The following PPP2R5D variants were observed in gnomAD, a reference collection of about 807,000 sequenced individuals.
PPP2R5D encodes the protein serine/threonine-protein phosphatase 2A 56 kDa regulatory subunit delta isoform.
Under a neutral mutation model 79.1 loss-of-function variants are expected in PPP2R5D, and 12 were observed. That is an observed-to-expected ratio of 0.15 (90% confidence interval 0.10 to 0.25). The LOEUF is 0.25. Among genes scored for constraint, PPP2R5D ranks in the 10% least tolerant of loss-of-function variants. PPP2R5D has a pLI of 1.00. For synonymous variants in PPP2R5D, 277 were observed against 286.6 expected (o/e 0.97, Z 0.34); for missense variants, 419 against 760.2 (o/e 0.55, Z 5.28).
chr6:43,003,881 C>G (rs1186846280), intron 2 of PPP2R5D, among the ~76,000 whole-genome samples: 1 of 151,858 alleles, frequency 6.6e-6, no homozygotes, highest in African/African-American at 2.4e-5. Flanking sequence ...ACTACAGGCA[C>G]CCACCACCAC....
rs41274900 is a variant in PPP2R5D at position 43,009,535 on chromosome 6, A to G, written c.1379+86A>G. On this transcript the variant is annotated intron_variant, in intron 12 of 15. Transcript: ENST00000485511. This position sits in a 1 kb window ranked among gnomAD's most constrained non-coding sequence, Gnocchi z 5.6. ...GAAGAACTAAAGAGCCAGGGGTCTC[A>G]CCTAGTCACCCAGCAAGTGGGGCTG... 6.4e-7 allele frequency: 1 copy of G among 1,561,730 alleles called. No homozygotes were observed. Among genetic ancestry groups the G allele is most frequent in the African/African-American group, 1.4e-5 (1 of 73,594 alleles).
chr6:43,004,008 G>A (rs1158586187), intron 2 of PPP2R5D, among the ~76,000 whole-genome samples: 2 of 151,370 alleles, frequency 1.3e-5, no homozygotes, highest in Non-Finnish European at 2.9e-5. Flanking sequence ...GTGAGCCACC[G>A]CGCCCGGCCT....
chr6:42,995,576 G>A (rs147983992), intron 2 of PPP2R5D, among the ~76,000 whole-genome samples: 3,899 of 148,334 alleles, frequency 0.026, 175 homozygotes, highest in African/African-American at 0.09. Flanking sequence ...TTTTTGAGAC[G>A]GAGTCTCGCT....
rs1762212384 is a variant in PPP2R5D at position 43,008,665 on chromosome 6, A to C, written c.1027-28A>C. 1 of 1,610,200 alleles carries C rather than the reference A, an allele frequency of 6.2e-7. No homozygotes were observed. Among genetic ancestry groups the C allele is most frequent in the African/African-American group, 1.3e-5 (1 of 74,550 alleles). On this transcript the variant is annotated intron_variant, in intron 9 of 15. Coordinates refer to ENST00000485511, the MANE Select transcript of PPP2R5D (RefSeq NM_006245.4). The surrounding 1 kb of genome is among the most constrained non-coding windows in gnomAD (Gnocchi z 4.2). ...TGAGAGCTTCTAGGACCTACACCTCACCTCCCTTCTACCTCACACCTTTGC... is the reference window on the plus strand; with the variant it reads ...TGAGAGCTTCTAGGACCTACACCTCCCCTCCCTTCTACCTCACACCTTTGC...
chr6:43,002,334 T>C (rs1400691040), intron 2 of PPP2R5D, among the ~76,000 whole-genome samples: 6 of 152,100 alleles, frequency 3.9e-5, no homozygotes, highest in Non-Finnish European at 7.4e-5. Context: ...CAGCTAATTT[T>C]TTGTATCTTT....
Position 43,010,922 on chromosome 6 carries a change from C to T in PPP2R5D, c.1596C>T (p.Tyr532=), listed in dbSNP as rs367698242. Residue 532 remains tyrosine (Y), a synonymous_variant, in exon 15 of 16, where the codon TAC becomes TAT. Transcript: ENST00000485511. The surrounding 1 kb of genome is among the most constrained non-coding windows in gnomAD (Gnocchi z 4.7). ...FRAPPPLPPV[Y]SMETETPTAE... is the part of the protein sequence containing the mutation. The stretch of plus-strand genomic sequence containing the variant: ...CCCCTCCACCACTGCCCCCTGTGTA[C>T]TCGATGGAGACAGAGACCCCCACAG... 4 of 1,614,016 alleles carry T rather than the reference C, an allele frequency of 2.5e-6. No homozygotes were observed. In the African/African-American group the frequency reaches 5.3e-5, roughly 22 times the overall value.
chr6:43,011,698 CAGG>C lies in PPP2R5D; in HGVS notation c.*415_*417del, dbSNP rs770361901. On this transcript the variant is annotated 3_prime_UTR_variant, in exon 16 of 16. Coordinates refer to ENST00000485511, the MANE Select transcript of PPP2R5D (RefSeq NM_006245.4). The stretch of plus-strand genomic sequence containing the variant: ...CCCTGCAGAGGCATGTAGGGAACAG[CAGG>C]AGATTATTCTCACCAAAGTTATGTC... 19 of 196,464 alleles carry C rather than the reference CAGG, an allele frequency of 9.7e-5. No individual in the cohort carries two copies. The highest frequency in any genetic ancestry group is 1.6e-4 in the Non-Finnish European group (15 of 94,886). 12.2% of individuals were successfully genotyped at this position (196,464 alleles called of 1,614,324 possible).
Position 43,010,718 on chromosome 6 carries a change from G to A in PPP2R5D, c.1536G>A (p.Leu512=). The A allele has an allele frequency of 6.2e-7, 1 of 1,613,998 alleles. No individual in the cohort carries two copies. The highest frequency in any genetic ancestry group is 8.5e-7 in the Non-Finnish European group (1 of 1,179,892). ...REEMWQKIEE[L]ARLNPQYPMF... The stretch of plus-strand genomic sequence containing the variant: ...AGATGTGGCAAAAAATCGAGGAGCT[G>A]GCCCGGCTTAATCCCCAGGTGAGGT... Residue 512 remains leucine, a synonymous_variant, in exon 14 of 16, where the codon CTG becomes CTA. Transcript: ENST00000485511. This position sits in a 1 kb window ranked among gnomAD's most constrained non-coding sequence, Gnocchi z 4.7.
chr6:43,001,604 G>C (rs1466937093), intron 2 of PPP2R5D, among the ~76,000 whole-genome samples: 2 of 152,078 alleles, frequency 1.3e-5, no homozygotes, highest in South Asian at 4.1e-4. Context: ...CTTCTTTAGG[G>C]CTGGGCACGG....
intron 2 of PPP2R5D, among the ~76,000 whole-genome samples, chr6:43,003,854 C>T (rs191698678): frequency 1.6e-3 from 244 of 152,064 alleles, no homozygotes; most frequent in African/African-American, 5.4e-3. Context: ...CCTGCCTCAG[C>T]CTCCCGAGTA....
chr6:43,005,875 G>C (rs937819742), intron 2 of PPP2R5D, among the ~76,000 whole-genome samples: 8 of 152,078 alleles, frequency 5.3e-5, no homozygotes, highest in African/African-American at 1.9e-4. Context: ...GCCCTCCTCG[G>C]CCTCCCAAAG....
At chr6:42,987,449 C>T (rs138826815) in intron 1 of PPP2R5D, among the ~76,000 whole-genome samples, 1,897 of 152,156 alleles carry the variant, frequency 0.012, 16 homozygotes, top group Non-Finnish European at 0.017. Flanking sequence ...ACCAGCACTA[C>T]GGTTTTCATG....
At chr6:42,995,920 G>A (rs1289008231) in intron 2 of PPP2R5D, among the ~76,000 whole-genome samples, 1 of 150,828 alleles carries the variant, frequency 6.6e-6, no homozygotes, top group African/African-American at 2.4e-5. Context: ...GAGTGCAGTG[G>A]CGCCATCTCG....
In PPP2R5D at chr6:43,008,598, T is replaced by G. The variant is rs1463032980; in HGVS notation, c.1027-95T>G. ...GGTGGGATAATTCCTTCCCTCCATCTCCCCTTCCCTTCTGGGATCTTGTTT... is the reference window on the plus strand; with the variant it reads ...GGTGGGATAATTCCTTCCCTCCATCGCCCCTTCCCTTCTGGGATCTTGTTT... On this transcript the variant is annotated intron_variant, in intron 9 of 15. Transcript: ENST00000485511. This position sits in a 1 kb window ranked among gnomAD's most constrained non-coding sequence, Gnocchi z 4.2. The G allele has an allele frequency of 3.3e-5, 50 of 1,496,692 alleles. No homozygotes were observed. Among genetic ancestry groups the G allele is most frequent in the Non-Finnish European group, 4.6e-5 (49 of 1,076,534 alleles). The allele number at this position is 1,496,692 out of a possible 1,614,324, so 92.7% of individuals were successfully genotyped here.
chr6:43,006,740 G>A lies in PPP2R5D; in HGVS notation c.322+61G>A. 6.3e-7 allele frequency: 1 copy of A among 1,589,300 alleles called. No homozygotes were observed. The highest frequency in any genetic ancestry group is 8.6e-7 in the Non-Finnish European group (1 of 1,165,132). Reference sequence around the variant, plus strand: ...GTTCTAGTGGGCATCGGGAGTTGGTGGAATGGAAGTTTTGGGGTATTTTGC... The same window carrying A: ...GTTCTAGTGGGCATCGGGAGTTGGTAGAATGGAAGTTTTGGGGTATTTTGC... On this transcript the variant is annotated intron_variant, in intron 3 of 15. Coordinates refer to ENST00000485511, the MANE Select transcript of PPP2R5D (RefSeq NM_006245.4). The surrounding 1 kb of genome is among the most constrained non-coding windows in gnomAD (Gnocchi z 4.7).
Position 43,011,861 on chromosome 6 carries a change from CA to C in PPP2R5D, c.*579del, listed in dbSNP as rs1404717497. The C allele has an allele frequency of 2.5e-5, 4 of 158,620 alleles. No individual in the cohort carries two copies. Among genetic ancestry groups the C allele is most frequent in the Non-Finnish European group, 5.6e-5 (4 of 71,726 alleles). 9.8% of individuals were successfully genotyped at this position (158,620 alleles called of 1,614,324 possible). ...TACCCCATGCCTGACCAAGGGAGGT[CA>C]AAAGGAGAAAAGTATAGGCTGTGGA... On this transcript the variant is annotated 3_prime_UTR_variant, in exon 16 of 16. Coordinates refer to ENST00000485511, the MANE Select transcript of PPP2R5D (RefSeq NM_006245.4).
intron 1 of PPP2R5D, among the ~76,000 whole-genome samples, chr6:42,987,818 G>A (rs991383144): frequency 6.6e-6 from 1 of 152,130 alleles, no homozygotes; most frequent in African/African-American, 2.4e-5. Flanking sequence ...GCTGTAGGGT[G>A]GGTGGAGGGG....
In PPP2R5D at chr6:42,984,640, G is replaced by C. The variant is rs747492621; in HGVS notation, c.-38G>C. 2.5e-6 allele frequency: 4 copies of C among 1,581,256 alleles called. No homozygotes were observed. Among genetic ancestry groups the C allele is most frequent in the East Asian group, 2.3e-5 (1 of 43,022 alleles). ...GGCCGAGCAAAGCCGGAGCCGGAGC[G>C]GGGCCGCAGGAGACGGGCCGGGTCC... On this transcript the variant is annotated 5_prime_UTR_variant, in exon 1 of 16. Coordinates refer to ENST00000485511, the MANE Select transcript of PPP2R5D (RefSeq NM_006245.4).
At chr6:42,991,947 T>C (rs1403256797) in intron 2 of PPP2R5D, among the ~76,000 whole-genome samples, 1 of 152,180 alleles carries the variant, frequency 6.6e-6, no homozygotes, top group African/African-American at 2.4e-5. Flanking sequence ...GCAGCAGGAA[T>C]TATCCATGAT....
Sources: allele counts gnomAD v4.1 joint callset (sites outside exome capture counted in the v4.1 genomes callset), GRCh38; gene constraint gnomAD v4.1.1; non-coding constraint Gnocchi (gnomAD v3.1); transcripts MANE v1.5; gene names NCBI Gene and HGNC (gene_info 2026-07-23, HGNC 2026-07-21).